PSD3: variants seen among roughly 807,000 people sequenced by gnomAD.
PSD3 encodes the protein pleckstrin and Sec7 domain containing 3.
PSD3 carries 49 observed loss-of-function variants against 105.5 expected under a neutral mutation model. The observed-to-expected ratio is 0.46, with a 90% CI of 0.37 to 0.59. The LOEUF (loss-of-function observed/expected upper bound fraction) is 0.59, where lower values mean the gene tolerates loss of function less well. PSD3 is among the 20% of genes least tolerant of loss of function. The pLI, the probability that PSD3 is intolerant of heterozygous loss-of-function variation, is 0.00. For synonymous variants in PSD3, 557 were observed against 457.8 expected, an observed-to-expected ratio of 1.22 and a Z score of -2.77; for missense variants, 1,561 against 1,263.8, an observed-to-expected ratio of 1.24 and a Z score of -3.57.
intron 9 of PSD3, among the ~76,000 whole-genome samples, chr8:18,695,560 T>C (rs1801213072): frequency 6.6e-6 from 1 of 152,146 alleles, no homozygotes; most frequent in Admixed American, 6.5e-5. Flanking sequence ...ACAATACATA[T>C]AATATTTACA....
chr8:18,552,627 T>G (rs1227672192), intron 15 of PSD3, among the ~76,000 whole-genome samples: 1 of 152,200 alleles, frequency 6.6e-6, no homozygotes, highest in Admixed American at 6.5e-5. Context: ...CAGGGATCAA[T>G]TAAATATTTT....
At position 18,943,572 on chromosome 8, in the gene PSD3, C is replaced by G. The variant is rs533388504; in HGVS notation, c.22-7430G>C. 1.1e-4 allele frequency among the ~76,000 whole-genome samples: 16 copies of G among 152,060 alleles called. No homozygotes were observed. In the South Asian group the frequency reaches 1.2e-3, roughly 12 times the overall value. On this transcript the variant is annotated intron_variant, in intron 1 of 15. Coordinates refer to ENST00000327040, the MANE Select transcript of PSD3 (RefSeq NM_015310.4). Reference sequence around the variant, plus strand: ...TCCAAAGGACAAGGGAATGAGGGAGCCTGGTAAACTCTTGAAGTGAAGGAA... The same window carrying G: ...TCCAAAGGACAAGGGAATGAGGGAGGCTGGTAAACTCTTGAAGTGAAGGAA...
At chr8:18,781,912 G>A (rs1030246995) in intron 8 of PSD3, among the ~76,000 whole-genome samples, 2 of 151,824 alleles carry the variant, frequency 1.3e-5, no homozygotes, top group Non-Finnish European at 2.9e-5. Flanking sequence ...ATCTGCTCAG[G>A]TTATTTCAAA....
chr8:18,634,917 A>G (rs1807150832), intron 10 of PSD3, among the ~76,000 whole-genome samples: 1 of 152,144 alleles, frequency 6.6e-6, no homozygotes, highest in African/African-American at 2.4e-5. Flanking sequence ...TCTTGTAACT[A>G]TGCAAATATT....
intron 4 of PSD3, among the ~76,000 whole-genome samples, chr8:18,848,224 A>T (rs184184305): frequency 6.6e-6 from 1 of 152,368 alleles, no homozygotes; most frequent in Non-Finnish European, 1.5e-5. Flanking sequence ...GTTGGTGTAC[A>T]GTTACATCAG....
intron 9 of PSD3, among the ~76,000 whole-genome samples, chr8:18,730,575 C>T (rs1387854811): frequency 1.3e-5 from 2 of 152,314 alleles, no homozygotes; most frequent in Middle Eastern, 3.4e-3. Flanking sequence ...CATTCACTGG[C>T]CTTTCATCCA....
chr8:19,073,876 C>A (rs6982280), intron 1 of PSD3, among the ~76,000 whole-genome samples: 13 of 151,186 alleles, frequency 8.6e-5, no homozygotes, highest in African/African-American at 2.2e-4. Flanking sequence ...CTGCAAGCTC[C>A]GCCTCCCGGG....
intron 2 of PSD3, among the ~76,000 whole-genome samples, chr8:18,914,267 C>T (rs1011085111): frequency 6.6e-6 from 1 of 151,904 alleles, no homozygotes; most frequent in African/African-American, 2.4e-5. Flanking sequence ...AATAAAGACC[C>T]TATGTGACAA....
At chr8:18,820,482 A>G (rs867473716) in intron 4 of PSD3, among the ~76,000 whole-genome samples, 1 of 152,122 alleles carries the variant, frequency 6.6e-6, no homozygotes, top group African/African-American at 2.4e-5. Flanking sequence ...GGCACTCAGT[A>G]TTTAAATATA....
chr8:19,025,213 C>A (rs183808662), intron 1 of PSD3, among the ~76,000 whole-genome samples: 1 of 152,246 alleles, frequency 6.6e-6, no homozygotes, highest in African/African-American at 2.4e-5. Context: ...AATCACACAC[C>A]CACTAGTGCC....
chr8:18,803,287 CAAAAAAAAAAAAA>C (rs34996165), intron 6 of PSD3: 4 of 51,200 alleles, frequency 7.8e-5, no homozygotes, highest in Non-Finnish European at 6.3e-5. Context: ...ACTCTGTCTC[CAAAAAAAAAAAAA>C]AAAAAAAAAG....
intron 10 of PSD3, among the ~76,000 whole-genome samples, chr8:18,634,674 G>C (rs1183237156): frequency 6.6e-6 from 1 of 152,068 alleles, no homozygotes; most frequent in Non-Finnish European, 1.5e-5. Flanking sequence ...TTATCTTGTA[G>C]AATATCCTCA....
At chr8:18,916,349 T>TATAC (rs1563416971) in intron 2 of PSD3, among the ~76,000 whole-genome samples, 1 of 44,738 alleles carries the variant, frequency 2.2e-5, no homozygotes, top group Non-Finnish European at 4.1e-5. Flanking sequence ...TATATATATA[T>TATAC]ACACACACAC....
At position 18,768,936 on chromosome 8, in the gene PSD3, T is replaced by C. The variant is rs142363572; in HGVS notation, c.2083-3398A>G. 3.3e-4 allele frequency among the ~76,000 whole-genome samples: 51 copies of C among 152,344 alleles called. No homozygotes were observed. In the East Asian group the frequency reaches 9.8e-3, roughly 29 times the overall value. ...TAGTAGATATTTCTCATAAGTTAAA[T>C]AAATTAAATCTGCAGTTTAAAAATT... On this transcript the variant is annotated intron_variant, in intron 8 of 15. Transcript: ENST00000327040.
rs117448045 is a variant in PSD3 at position 18,895,807 on chromosome 8, A to C, written c.131-23074T>G. Reference sequence around the variant, plus strand: ...TTTATCATTTCTTTGTGTTGAAAACATTAAAAGTCCACTCTTTCGGCTATT... The same window carrying C: ...TTTATCATTTCTTTGTGTTGAAAACCTTAAAAGTCCACTCTTTCGGCTATT... On this transcript the variant is annotated intron_variant, in intron 2 of 15. Transcript: ENST00000327040. Among the ~76,000 whole-genome samples the C allele has an allele frequency of 8.6e-3, 1,303 of 152,342 alleles. 10 individuals are homozygous for C. The highest frequency in any genetic ancestry group is 0.014 in the Non-Finnish European group (941 of 68,022).
At chr8:18,755,601 G>A (rs533252747) in intron 9 of PSD3, among the ~76,000 whole-genome samples, 2 of 152,098 alleles carry the variant, frequency 1.3e-5, no homozygotes, top group Admixed American at 6.5e-5. Flanking sequence ...TTCCCACTGG[G>A]AATCATTAAT....
At chr8:18,908,791 T>C (rs1361198622) in intron 2 of PSD3, among the ~76,000 whole-genome samples, 2 of 152,226 alleles carry the variant, frequency 1.3e-5, no homozygotes, top group Non-Finnish European at 2.9e-5. Flanking sequence ...CTAGCAATAT[T>C]GGGTACACAG....
intron 4 of PSD3, among the ~76,000 whole-genome samples, chr8:18,815,226 C>T (rs1368731366): frequency 6.6e-6 from 1 of 152,148 alleles, no homozygotes; most frequent in African/African-American, 2.4e-5. Context: ...AGAGGCTGAA[C>T]AAATATTTTC....
intron 1 of PSD3, among the ~76,000 whole-genome samples, chr8:19,056,472 A>G (rs1435380432): frequency 6.6e-6 from 1 of 152,282 alleles, no homozygotes; most frequent in Non-Finnish European, 1.5e-5. Flanking sequence ...TTCCATGTAC[A>G]CAATCTAATT....
Sources: allele counts gnomAD v4.1 joint callset (sites outside exome capture counted in the v4.1 genomes callset), GRCh38; gene constraint gnomAD v4.1.1; transcripts MANE v1.5; gene names NCBI Gene and HGNC (gene_info 2026-07-23, HGNC 2026-07-21).